The following ZFAND6 variants were observed in gnomAD, a reference collection of about 807,000 sequenced individuals.
ZFAND6 encodes AN1-type zinc finger protein 6.
ZFAND6 carries 12 observed loss-of-function variants against 24.5 expected under a neutral mutation model. The ratio of observed to expected loss-of-function variants is 0.49; its 90% CI spans 0.31 to 0.79. The LOEUF (loss-of-function observed/expected upper bound fraction) is 0.79, where lower values mean the gene tolerates loss of function less well. ZFAND6 is among the 30% of genes least tolerant of loss of function. ZFAND6 has a pLI of 0.04. For missense variants in ZFAND6, 207 were observed against 245.9 expected (o/e 0.84, Z 1.06); for synonymous variants, 92 against 81.5 (o/e 1.13, Z -0.69).
chr15:80,090,570 T>G (rs933162618), intron 1 of ZFAND6, among the ~76,000 whole-genome samples: 1 of 152,230 alleles, frequency 6.6e-6, no homozygotes, highest in African/African-American at 2.4e-5. Flanking sequence ...TACTAGCTCT[T>G]AGTTAATCCT....
At chr15:80,076,040 G>C (rs553903289) in intron 1 of ZFAND6, among the ~76,000 whole-genome samples, 2 of 152,104 alleles carry the variant, frequency 1.3e-5, no homozygotes, top group South Asian at 4.2e-4. Flanking sequence ...CCTCATTAGT[G>C]ATCTCTGTGT....
At chr15:80,117,389 A>G (rs1326224026) in intron 2 of ZFAND6, among the ~76,000 whole-genome samples, 1 of 151,974 alleles carries the variant, frequency 6.6e-6, no homozygotes. Flanking sequence ...TGCCTGGCTG[A>G]TTTTTTGTAT....
Position 80,077,581 on chromosome 15 carries a change from ATGTT to A in ZFAND6, c.-181+17778_-181+17781del, listed in dbSNP as rs201653138. On this transcript the variant is annotated intron_variant, in intron 1 of 6. Transcript: ENST00000261749. ...TTTGAAATACAGGTAAATATTACCA[ATGTT>A]TGTTTCTTTGAAGGGATCAAATTAT... is the stretch of plus-strand genomic sequence containing the variant. 3.7e-3 allele frequency among the ~76,000 whole-genome samples: 565 copies of A among 152,254 alleles called. 6 individuals carry two copies. The highest frequency in any genetic ancestry group is 0.013 in the African/African-American group (526 of 41,554).
At chr15:80,128,683 G>T in intron 5 of ZFAND6, among the ~76,000 whole-genome samples, 1 of 152,212 alleles carries the variant, frequency 6.6e-6, no homozygotes, top group Admixed American at 6.5e-5. Flanking sequence ...TTAGCCTCAT[G>T]GGTATATAAT....
chr15:80,107,936 C>T (rs181003250), intron 2 of ZFAND6, among the ~76,000 whole-genome samples: 7 of 152,232 alleles, frequency 4.6e-5, no homozygotes, highest in South Asian at 2.1e-4. Flanking sequence ...TCCACAGATA[C>T]GCTTTGGGAA....
chr15:80,062,373 G>T (rs998475164), intron 1 of ZFAND6, among the ~76,000 whole-genome samples: 3 of 152,182 alleles, frequency 2.0e-5, no homozygotes, highest in African/African-American at 7.2e-5. Context: ...GGTGGTTCAG[G>T]ATTTGTTAAC....
chr15:80,126,812 C>A (rs2040388434), intron 5 of ZFAND6, among the ~76,000 whole-genome samples: 1 of 152,104 alleles, frequency 6.6e-6, no homozygotes, highest in African/African-American at 2.4e-5. Flanking sequence ...AAGATTTTTG[C>A]TTAAAAGAGT....
chr15:80,075,271 C>T lies in ZFAND6; in HGVS notation c.-181+15462C>T, dbSNP rs141270669. On this transcript the variant is annotated intron_variant, in intron 1 of 6. Transcript: ENST00000261749. ...ATTTGACAACATGTAATTTGATTGT[C>T]GTCTTAATAAAATTTAATGTTATTG... The T allele has an allele frequency of 2.0e-3, 435 of 216,732 alleles. 3 individuals carry two copies. Among genetic ancestry groups the T allele is most frequent in the Middle Eastern group, 1.9e-3 (4 of 2,162 alleles). 13.4% of individuals were successfully genotyped at this position (216,732 alleles called of 1,614,324 possible). A position where few individuals can be genotyped will look rare whatever the true frequency, so the allele number is the denominator to read the frequency against.
intron 1 of ZFAND6, among the ~76,000 whole-genome samples, chr15:80,092,503 T>C (rs892950964): frequency 3.9e-5 from 6 of 152,116 alleles, no homozygotes; most frequent in African/African-American, 1.4e-4. Flanking sequence ...TTAAAACATA[T>C]CAGTTATTCA....
intron 1 of ZFAND6, among the ~76,000 whole-genome samples, chr15:80,088,225 C>T (rs959083047): frequency 6.6e-6 from 1 of 151,950 alleles, no homozygotes; most frequent in African/African-American, 2.4e-5. Flanking sequence ...CTTTTTGATC[C>T]TAACCCTCTA....
At chr15:80,093,451 G>A (rs2038513209) in intron 1 of ZFAND6, among the ~76,000 whole-genome samples, 1 of 151,984 alleles carries the variant, frequency 6.6e-6, no homozygotes, top group Admixed American at 6.6e-5. Context: ...TTCCTGGCTG[G>A]GCGCGGTGGC....
intron 2 of ZFAND6, among the ~76,000 whole-genome samples, chr15:80,102,352 A>G (rs1413732076): frequency 1.3e-5 from 2 of 148,178 alleles, no homozygotes; most frequent in Non-Finnish European, 3.0e-5. Context: ...CAGGTGATCC[A>G]CCCGCCTCCC....
intron 1 of ZFAND6, among the ~76,000 whole-genome samples, chr15:80,090,581 G>T (rs978553819): frequency 1.3e-5 from 2 of 152,096 alleles, no homozygotes; most frequent in African/African-American, 2.4e-5. Flanking sequence ...AGTTAATCCT[G>T]CTCCATGCTC....
At chr15:80,105,322 C>G (rs1053325354) in intron 2 of ZFAND6, among the ~76,000 whole-genome samples, 2 of 152,114 alleles carry the variant, frequency 1.3e-5, no homozygotes, top group Non-Finnish European at 2.9e-5. Context: ...GGAAGTGAGG[C>G]CTATTCACAG....
At chr15:80,065,254 G>T (rs1596172233) in intron 1 of ZFAND6, among the ~76,000 whole-genome samples, 1 of 149,558 alleles carries the variant, frequency 6.7e-6, no homozygotes. Flanking sequence ...TAAAAATTTT[G>T]GCCCCACTAA....
intron 1 of ZFAND6, among the ~76,000 whole-genome samples, chr15:80,082,428 G>A (rs1010247059): frequency 1.3e-5 from 2 of 152,176 alleles, no homozygotes; most frequent in Non-Finnish European, 2.9e-5. Flanking sequence ...AGGTTATGTG[G>A]CAGAGCCTAG....
chr15:80,121,177 T>G (rs908987988), intron 3 of ZFAND6, among the ~76,000 whole-genome samples: 1 of 152,228 alleles, frequency 6.6e-6, no homozygotes, highest in Non-Finnish European at 1.5e-5. Flanking sequence ...TGTAGGCTAT[T>G]ACTTAGTTCA....
chr15:80,100,044 A>G (rs940403076), intron 2 of ZFAND6, among the ~76,000 whole-genome samples: 5 of 152,168 alleles, frequency 3.3e-5, no homozygotes, highest in East Asian at 1.9e-4. Flanking sequence ...TCTTTTCTAT[A>G]TTGGTCAGTA....
rs190117826 is a variant in ZFAND6 at position 80,110,855 on chromosome 15, T to C, written c.-17-9473T>C. ...AAATCAACTCTAGATGGATTGCAGA[T>C]CTAAAAGTGAAAGGCTTAGCTTCTC... is the stretch of plus-strand genomic sequence containing the variant. On this transcript the variant is annotated intron_variant, in intron 2 of 6. Coordinates refer to ENST00000261749, the MANE Select transcript of ZFAND6 (RefSeq NM_019006.4). Among the ~76,000 whole-genome samples, 63 of 152,284 alleles carry C rather than the reference T, an allele frequency of 4.1e-4. 1 individual carries two copies. Among genetic ancestry groups the C allele is most frequent in the Middle Eastern group, 3.4e-3 (1 of 294 alleles).
Sources: allele counts gnomAD v4.1 joint callset (sites outside exome capture counted in the v4.1 genomes callset), GRCh38; gene constraint gnomAD v4.1.1; transcripts MANE v1.5; gene names NCBI Gene and HGNC (gene_info 2026-07-23, HGNC 2026-07-21).